OSBPL9: variants seen among roughly 807,000 people sequenced by gnomAD.
OSBPL9 encodes the protein oxysterol binding protein like 9, also known as oxysterol-binding protein-related protein 9.
A neutral mutation model predicts 106.6 loss-of-function variants in OSBPL9; 40 were observed. That is an observed-to-expected ratio of 0.38 (90% confidence interval 0.29 to 0.49). The LOEUF (loss-of-function observed/expected upper bound fraction) is 0.49. OSBPL9 is among the 20% of genes least tolerant of loss of function. The pLI is 0.97. For synonymous variants in OSBPL9, 269 were observed against 295.4 expected, an observed-to-expected ratio of 0.91 and a Z score of 0.92; for missense variants, 609 against 887.2, an observed-to-expected ratio of 0.69 and a Z score of 3.98.
chr1:51,749,664 C>T (rs180909002), intron 7 of OSBPL9: 157 of 192,432 alleles, frequency 8.2e-4, no homozygotes, highest in Middle Eastern at 1.9e-3. Flanking sequence ...TGTAAGAATT[C>T]GTAAGTTAAT....
chr1:51,757,703 A>G (rs1670633077), intron 9 of OSBPL9, among the ~76,000 whole-genome samples: 1 of 152,140 alleles, frequency 6.6e-6, no homozygotes, highest in Non-Finnish European at 1.5e-5. Context: ...GAAAAAATAG[A>G]GGAACTATTC....
intron 1 of OSBPL9, among the ~76,000 whole-genome samples, chr1:51,622,283 T>C (rs1377672965): frequency 6.6e-6 from 1 of 152,152 alleles, no homozygotes; most frequent in East Asian, 1.9e-4. Flanking sequence ...TATCCTCTTA[T>C]CAGTCAGTAA....
chr1:51,522,658 C>G, the OSBPL9 span, among the ~76,000 whole-genome samples: 1 of 152,106 alleles, frequency 6.6e-6, no homozygotes, highest in Non-Finnish European at 1.5e-5. Context: ...TTCATTATAA[C>G]AAGAATGAGT....
chr1:51,616,083 C>T (rs1347120343), upstream of OSBPL9, among the ~76,000 whole-genome samples: 2 of 143,368 alleles, frequency 1.4e-5, no homozygotes, highest in Non-Finnish European at 3.0e-5. Context: ...GATGCAATCT[C>T]GGCTCCGAGG....
the OSBPL9 span, among the ~76,000 whole-genome samples, chr1:51,563,921 A>G: frequency 6.6e-6 from 1 of 151,548 alleles, no homozygotes; most frequent in Non-Finnish European, 1.5e-5. Context: ...CCCTACCCCA[A>G]AGAACTTTAA....
intron 1 of OSBPL9, among the ~76,000 whole-genome samples, chr1:51,645,388 T>C (rs1462118969): frequency 6.6e-6 from 1 of 152,208 alleles, no homozygotes; most frequent in Non-Finnish European, 1.5e-5. Context: ...TTCTCGATAC[T>C]ATACCCCTAC....
intron 1 of OSBPL9, among the ~76,000 whole-genome samples, chr1:51,591,426 A>G (rs1645274900): frequency 6.6e-6 from 1 of 152,184 alleles, no homozygotes; most frequent in Admixed American, 6.5e-5. Context: ...ATTTACTAAG[A>G]TAGAGAACAC....
chr1:51,630,919 TTA>T (rs1288404797), intron 1 of OSBPL9, among the ~76,000 whole-genome samples: 1 of 152,200 alleles, frequency 6.6e-6, no homozygotes, highest in African/African-American at 2.4e-5. Flanking sequence ...TTTTCTTATT[TTA>T]TGTTTTTTAT....
chr1:51,533,947 G>A, the OSBPL9 span, among the ~76,000 whole-genome samples: 1 of 148,412 alleles, frequency 6.7e-6, no homozygotes, highest in Non-Finnish European at 1.5e-5. Context: ...TGGCTCACAC[G>A]TGTAATCCCA....
intron 1 of OSBPL9, among the ~76,000 whole-genome samples, chr1:51,587,224 G>T (rs1353349159): frequency 1.3e-5 from 2 of 152,168 alleles, no homozygotes; most frequent in African/African-American, 4.8e-5. Flanking sequence ...AATTAGCTAG[G>T]CGTGGTGGCA....
At chr1:51,579,619 T>C (rs1645209272) in intron 1 of OSBPL9, among the ~76,000 whole-genome samples, 1 of 152,038 alleles carries the variant, frequency 6.6e-6, no homozygotes, top group Non-Finnish European at 1.5e-5. Context: ...ACCTCTAATA[T>C]ATAGAATCCT....
At chr1:51,564,681 T>G in the OSBPL9 span, among the ~76,000 whole-genome samples, 3 of 152,212 alleles carry the variant, frequency 2.0e-5, no homozygotes, top group Non-Finnish European at 4.4e-5. Flanking sequence ...TTGGGAAAGT[T>G]CTCTGGTTCC....
the OSBPL9 span, among the ~76,000 whole-genome samples, chr1:51,544,578 C>A: frequency 7.2e-5 from 11 of 151,930 alleles, no homozygotes; most frequent in East Asian, 1.9e-3. Flanking sequence ...CTCTCTTAAG[C>A]CCATGGGTGT....
intron 1 of OSBPL9, among the ~76,000 whole-genome samples, chr1:51,642,284 G>T (rs1398825971): frequency 6.6e-6 from 1 of 152,074 alleles, no homozygotes; most frequent in African/African-American, 2.4e-5. Flanking sequence ...CTGTGTAATA[G>T]GTCAATATTC....
intron 22 of OSBPL9, 80 bp from the exon 23 acceptor site, chr1:51,787,273 G>T: frequency 7.2e-7 from 1 of 1,392,978 alleles, no homozygotes; most frequent in South Asian, 1.2e-5. Flanking sequence ...AAAGCCATTT[G>T]ACTTGTATTA....
intron 2 of OSBPL9, among the ~76,000 whole-genome samples, chr1:51,607,409 G>T (rs907971602): frequency 6.6e-6 from 1 of 151,960 alleles, no homozygotes; most frequent in African/African-American, 2.4e-5. Flanking sequence ...TGATCTGCCC[G>T]GCTCAGCCTC....
chr1:51,772,247 T>A (rs1674071358), intron 13 of OSBPL9, 65 bp downstream of exon 13: 2 of 1,342,274 alleles, frequency 1.5e-6, no homozygotes, highest in African/African-American at 1.5e-5. Flanking sequence ...ATGTGGTGGC[T>A]CATGCCGTAA....
intron 4 of OSBPL9, among the ~76,000 whole-genome samples, chr1:51,737,901 A>G (rs1004355260): frequency 6.6e-6 from 1 of 152,070 alleles, no homozygotes; most frequent in Non-Finnish European, 1.5e-5. Flanking sequence ...GTGACCATGT[A>G]ATTTATTGCC....
At chr1:51,598,217 G>C (rs1645312080) in intron 2 of OSBPL9, 1 of 152,260 alleles carries the variant, frequency 6.6e-6, no homozygotes, top group African/African-American at 2.4e-5. Flanking sequence ...CAGAGACCAA[G>C]TGCTTAATCA....
Sources: gnomAD v4.1 joint callset for allele counts (sites outside exome capture counted in the v4.1 genomes callset) on GRCh38, gnomAD v4.1.1 for gene constraint, MANE v1.5 for transcripts, NCBI Gene and HGNC (gene_info 2026-07-23, HGNC 2026-07-21) for gene names.